FAM204A: variants seen among roughly 807,000 people sequenced by gnomAD.
The protein encoded by FAM204A is protein FAM204A.
In FAM204A, 16 loss-of-function variants were observed where a neutral mutation model predicts 35.4. The ratio of observed to expected loss-of-function variants is 0.45; its 90% CI spans 0.31 to 0.69. The LOEUF is 0.69. Ranked by LOEUF, FAM204A falls within the 30% of genes least tolerant of loss-of-function variation. FAM204A has a pLI of 0.07. For synonymous variants in FAM204A, 76 were observed against 86.9 expected, an observed-to-expected ratio of 0.88 and a Z score of 0.70; for missense variants, 240 against 265.7, an observed-to-expected ratio of 0.90 and a Z score of 0.67.
intron 3 of FAM204A, chr10:118,335,972 T>A: frequency 1.7e-6 from 1 of 581,280 alleles, no homozygotes; most frequent in South Asian, 3.0e-5. Context: ...GGTTTTTTTT[T>A]TTTCCCCCTC....
intron 3 of FAM204A, chr10:118,335,967 T>C (rs1265989371): frequency 1.6e-5 from 9 of 570,798 alleles, no homozygotes; most frequent in East Asian, 6.0e-5. Context: ...GTTTGGGTTT[T>C]TTTTTTTTCC....
At chr10:118,326,566 G>A (rs1001021178) in intron 6 of FAM204A, among the ~76,000 whole-genome samples, 1 of 152,158 alleles carries the variant, frequency 6.6e-6, no homozygotes, top group African/African-American at 2.4e-5. Flanking sequence ...TGTTTATTAC[G>A]TGGCAGATTC....
chr10:118,310,635 T>C lies in FAM204A; in HGVS notation c.*222A>G, dbSNP rs1845938687. 2 of 501,472 alleles carry C rather than the reference T, an allele frequency of 4.0e-6. No individual in the cohort carries two copies. Among genetic ancestry groups the C allele is most frequent in the Admixed American group, 8.0e-5 (2 of 24,868 alleles). 31.1% of individuals were successfully genotyped at this position (501,472 alleles called of 1,614,324 possible). On this transcript the variant is annotated 3_prime_UTR_variant, in exon 9 of 9. Transcript: ENST00000369183. ...TATCCTCTTCTTTCTATATTTTTTT[T>C]CTTACATTTCTTATACAAATAACAG...
intron 7 of FAM204A, among the ~76,000 whole-genome samples, chr10:118,312,559 G>A: frequency 6.6e-6 from 1 of 152,026 alleles, no homozygotes; most frequent in African/African-American, 2.4e-5. Context: ...TTATAAATGA[G>A]GGCAAAAATA....
Position 118,326,025 on chromosome 10 carries a change from G to T in FAM204A, c.543+129C>A. On this transcript the variant is annotated intron_variant, in intron 7 of 8. Transcript: ENST00000369183. ...AAATAAATGACAGAATAAAAGAGAA[G>T]AAAATGGACAAAAAGGAAAACCTCA... 4.5e-6 allele frequency: 3 copies of T among 665,928 alleles called. No homozygotes were observed. In the South Asian group the frequency reaches 6.3e-5, roughly 14 times the overall value. 41.3% of individuals were successfully genotyped at this position (665,928 alleles called of 1,614,324 possible). A position where few individuals can be genotyped will look rare whatever the true frequency, so the allele number is the denominator to read the frequency against.
intron 2 of FAM204A, among the ~76,000 whole-genome samples, chr10:118,340,294 T>C (rs894857031): frequency 6.6e-6 from 1 of 152,154 alleles, no homozygotes; most frequent in South Asian, 2.1e-4. Context: ...CCGTTCTAGA[T>C]TGTGCACTGG....
intron 6 of FAM204A, among the ~76,000 whole-genome samples, chr10:118,332,759 A>C (rs1005557849): frequency 4.6e-5 from 7 of 152,350 alleles, no homozygotes; most frequent in African/African-American, 1.7e-4. Context: ...GACATTGTAC[A>C]ATTACTCTAA....
intron 1 of FAM204A, 57 bp downstream of exon 1, chr10:118,342,213 C>A (rs1846498991): frequency 1.3e-5 from 2 of 152,426 alleles, no homozygotes; most frequent in Admixed American, 1.3e-4. Flanking sequence ...CCCTCCCAGA[C>A]TCATCATGCC....
In FAM204A at chr10:118,299,906, T is replaced by C. The variant is rs994114959; in HGVS notation, c.*10951A>G. 1 of 152,242 alleles carries C rather than the reference T, an allele frequency of 6.6e-6. No homozygotes were observed. Among genetic ancestry groups the C allele is most frequent in the Non-Finnish European group, 1.5e-5 (1 of 68,048 alleles). 9.4% of individuals were successfully genotyped at this position (152,242 alleles called of 1,614,324 possible). On this transcript the variant is annotated 3_prime_UTR_variant, in exon 9 of 9. Coordinates refer to ENST00000369183, the MANE Select transcript of FAM204A (RefSeq NM_022063.3). ...TTGAAAACCACAATTCTGCTATCAA[T>C]AGGAATCTAAAATACTTGAATTGCT... is the stretch of plus-strand genomic sequence containing the variant.
intron 7 of FAM204A, among the ~76,000 whole-genome samples, chr10:118,316,753 AT>A (rs1846038118): frequency 6.6e-6 from 1 of 152,126 alleles, no homozygotes; most frequent in Non-Finnish European, 1.5e-5. Flanking sequence ...ATATGTGTGT[AT>A]ATGTGCATAT....
At chr10:118,326,332 G>T in intron 6 of FAM204A, 89 bp from the exon 7 acceptor site, 1 of 1,056,096 alleles carries the variant, frequency 9.5e-7, no homozygotes, top group Non-Finnish European at 1.4e-6. Flanking sequence ...TACTGAATGT[G>T]TTACACAAGT....
At chr10:118,334,683 G>A (rs4751653) in intron 6 of FAM204A, among the ~76,000 whole-genome samples, 93,232 of 152,078 alleles carry the variant, frequency 0.61, 29,699 homozygotes, top group Admixed American at 0.77. Flanking sequence ...GCCTGCCTCT[G>A]TAATCATATA....
Position 118,305,695 on chromosome 10 carries a change from C to T in FAM204A, c.*5162G>A, listed in dbSNP as rs1203099060. The T allele has an allele frequency of 6.6e-6, 1 of 152,226 alleles. No homozygotes were observed. Among genetic ancestry groups the T allele is most frequent in the Non-Finnish European group, 1.5e-5 (1 of 68,038 alleles). 9.4% of individuals were successfully genotyped at this position (152,226 alleles called of 1,614,324 possible). A position where few individuals can be genotyped will look rare whatever the true frequency, so the allele number is the denominator to read the frequency against. ...CGCCTGAAAATGGAGTTGTTCAAAACATGGTTTACATATATTTCCTATTAG... is the reference window on the plus strand; with the variant it reads ...CGCCTGAAAATGGAGTTGTTCAAAATATGGTTTACATATATTTCCTATTAG... On this transcript the variant is annotated 3_prime_UTR_variant, in exon 9 of 9. Coordinates refer to ENST00000369183, the MANE Select transcript of FAM204A (RefSeq NM_022063.3).
rs1159198468 is a variant in FAM204A, at chr10:118,336,295, T to C, written c.121A>G (p.Ile41Val). 1.9e-6 allele frequency: 3 copies of C among 1,613,952 alleles called. No homozygotes were observed. Among genetic ancestry groups the C allele is most frequent in the East Asian group, 2.2e-5 (1 of 44,892 alleles). ...AAATCTATGATTTCTGTTTTTCTGA[T>C]GCTCTCATCCTCTTTATCTTCCTGT... is the stretch of plus-strand genomic sequence containing the variant. The part of the protein sequence containing the change: ...NLQEDKEDES[I>V]RKTEIIDFST... Residue 41 changes from isoleucine to valine, a missense_variant, in exon 3 of 9, where the codon ATC becomes GTC. Transcript: ENST00000369183.
chr10:118,336,963 G>A (rs916575348), intron 2 of FAM204A, among the ~76,000 whole-genome samples: 15 of 152,140 alleles, frequency 9.9e-5, no homozygotes, highest in African/African-American at 7.2e-5. Context: ...GGAAGGTATC[G>A]TAGTAAAAAG....
intron 6 of FAM204A, among the ~76,000 whole-genome samples, chr10:118,327,752 G>A (rs899463402): frequency 7.2e-5 from 11 of 152,178 alleles, no homozygotes; most frequent in African/African-American, 2.4e-4. Context: ...TTTGGTCCAC[G>A]TAAAGATAAG....
rs1845779784 is a variant in FAM204A, at chr10:118,299,063, C to T, written c.*11794G>A. 6.6e-6 allele frequency: 1 copy of T among 152,150 alleles called. No individual in the cohort carries two copies. Among genetic ancestry groups the T allele is most frequent in the African/African-American group, 2.4e-5 (1 of 41,428 alleles). 9.4% of individuals were successfully genotyped at this position (152,150 alleles called of 1,614,324 possible). ...CCCTGGACAGTGTACGTGTGAGTGACGGTTCCCTCTGGGCCCACATCATTT... is the reference window on the plus strand; with the variant it reads ...CCCTGGACAGTGTACGTGTGAGTGATGGTTCCCTCTGGGCCCACATCATTT... On this transcript the variant is annotated 3_prime_UTR_variant, in exon 9 of 9. Coordinates refer to ENST00000369183, the MANE Select transcript of FAM204A (RefSeq NM_022063.3).
chr10:118,322,435 A>G, intron 7 of FAM204A: 1 of 455,674 alleles, frequency 2.2e-6, no homozygotes, highest in Non-Finnish European at 4.4e-6. Flanking sequence ...ATAACCTAAA[A>G]CTAATCATGA....
In FAM204A at chr10:118,303,122, T is replaced by C. The variant is rs1012334246; in HGVS notation, c.*7735A>G. On this transcript the variant is annotated 3_prime_UTR_variant, in exon 9 of 9. Transcript: ENST00000369183. ...TGCTAGATGAATGGCTGTAGAGTTC[T>C]CTTAAACTTCCCAGCACCTTGATTT... 9.8e-5 allele frequency: 15 copies of C among 152,356 alleles called. No homozygotes were observed. Among genetic ancestry groups the C allele is most frequent in the African/African-American group, 3.4e-4 (14 of 41,584 alleles). The allele number at this position is 152,356 out of a possible 1,614,324, so 9.4% of individuals were successfully genotyped here. A position where few individuals can be genotyped will look rare whatever the true frequency, so the allele number is the denominator to read the frequency against.
Sources: gnomAD v4.1 joint callset for allele counts (sites outside exome capture counted in the v4.1 genomes callset) on GRCh38, gnomAD v4.1.1 for gene constraint, MANE v1.5 for transcripts, NCBI Gene and HGNC (gene_info 2026-07-23, HGNC 2026-07-21) for gene names.